TBC1D12: variants seen among roughly 807,000 people sequenced by gnomAD.
TBC1D12 encodes the protein TBC1 domain family, member 12.
Under a neutral mutation model 86.7 loss-of-function variants are expected in TBC1D12, and 56 were observed. The observed-to-expected ratio is 0.65, with a 90% CI of 0.52 to 0.81. TBC1D12 has a LOEUF of 0.81. TBC1D12 is among the 30% of genes least tolerant of loss of function. TBC1D12 has a pLI of 0.00. For synonymous variants in TBC1D12, 421 were observed against 411.7 expected (o/e 1.02, Z -0.27); for missense variants, 1,023 against 1,038.8 (o/e 0.98, Z 0.21).
intron 6 of TBC1D12, among the ~76,000 whole-genome samples, chr10:94,505,916 A>T (rs951292794): frequency 6.6e-6 from 1 of 152,196 alleles, no homozygotes; most frequent in African/African-American, 2.4e-5. Flanking sequence ...AAAGGATTAT[A>T]TATTTATGTA....
Position 94,515,159 on chromosome 10 carries a change from G to A in TBC1D12, c.1761+3505G>A, listed in dbSNP as rs373527698. ...CCTGACCTCGTGATCCGCCCGCCTC[G>A]GCCTCCCAAAGTGCTGGGATTACAG... On this transcript the variant is annotated intron_variant, in intron 9 of 12. Coordinates refer to ENST00000225235, the MANE Select transcript of TBC1D12 (RefSeq NM_015188.2). Among the ~76,000 whole-genome samples the A allele has an allele frequency of 6.2e-4, 94 of 150,930 alleles. 1 individual carries two copies. In the South Asian group the frequency reaches 0.019, roughly 31 times the overall value.
chr10:94,469,517 C>T (rs2055873037), intron 2 of TBC1D12, among the ~76,000 whole-genome samples: 1 of 138,352 alleles, frequency 7.2e-6, no homozygotes. Context: ...GGGGTGATCT[C>T]GGCTCACTGC....
intron 1 of TBC1D12, among the ~76,000 whole-genome samples, chr10:94,420,368 T>C (rs751459858): frequency 2.6e-5 from 4 of 152,206 alleles, no homozygotes; most frequent in Admixed American, 6.5e-5. Context: ...GTCGATGATA[T>C]TTTGTTATAG....
intron 1 of TBC1D12, among the ~76,000 whole-genome samples, chr10:94,418,931 G>A (rs1472474438): frequency 2.1e-5 from 3 of 143,904 alleles, no homozygotes; most frequent in Admixed American, 6.9e-5. Context: ...CTGGAGTGCA[G>A]TGGCGCGATC....
rs79131391 is a variant in TBC1D12, at chr10:94,431,803, A to G, written c.972-10093A>G. Among the ~76,000 whole-genome samples, 417 of 152,300 alleles carry G rather than the reference A, an allele frequency of 2.7e-3. 9 individuals are homozygous for G. In the East Asian group the frequency reaches 0.059, roughly 22 times the overall value. ...GCCTCCTAACAGGAGAGCAGAACAG[A>G]CTATCTTCAGCAGCAGTGTCTGCTG... On this transcript the variant is annotated intron_variant, in intron 1 of 12. Coordinates refer to ENST00000225235, the MANE Select transcript of TBC1D12 (RefSeq NM_015188.2).
chr10:94,438,468 G>A (rs2055335697), intron 1 of TBC1D12, among the ~76,000 whole-genome samples: 1 of 151,894 alleles, frequency 6.6e-6, no homozygotes, highest in East Asian at 1.9e-4. Flanking sequence ...TAGTGAAACT[G>A]ATGCATGTGC....
At chr10:94,404,340 G>T (rs1461641001) in intron 1 of TBC1D12, among the ~76,000 whole-genome samples, 1 of 152,066 alleles carries the variant, frequency 6.6e-6, no homozygotes, top group Non-Finnish European at 1.5e-5. Flanking sequence ...TGATTTGACA[G>T]GATATTCTTG....
intron 2 of TBC1D12, among the ~76,000 whole-genome samples, chr10:94,465,438 G>A (rs111360853): frequency 0.023 from 3,438 of 152,180 alleles, 129 homozygotes; most frequent in African/African-American, 0.076. Context: ...ACGAGGTCAA[G>A]AGACTGAGCT....
At chr10:94,419,325 A>G (rs745521137) in intron 1 of TBC1D12, among the ~76,000 whole-genome samples, 1 of 152,234 alleles carries the variant, frequency 6.6e-6, no homozygotes, top group Non-Finnish European at 1.5e-5. Flanking sequence ...TCCATACTAA[A>G]TAACATTTGT....
intron 1 of TBC1D12, among the ~76,000 whole-genome samples, chr10:94,437,194 T>C (rs899924689): frequency 2.9e-4 from 44 of 152,132 alleles, no homozygotes; most frequent in African/African-American, 1.1e-3. Context: ...GTTTTCAAAA[T>C]TGTCTTTGAG....
intron 1 of TBC1D12, among the ~76,000 whole-genome samples, chr10:94,432,732 T>C (rs183535155): frequency 4.5e-4 from 68 of 152,182 alleles, no homozygotes; most frequent in African/African-American, 1.6e-3. Flanking sequence ...ACTTATTGTA[T>C]TGTCAGGACT....
intron 2 of TBC1D12, among the ~76,000 whole-genome samples, chr10:94,458,562 G>C (rs1037293913): frequency 6.6e-6 from 1 of 152,112 alleles, no homozygotes; most frequent in Admixed American, 6.5e-5. Flanking sequence ...TCTTGGTCTC[G>C]CTGAGTTCAA....
rs1177457623 is a variant in TBC1D12 at position 94,511,216 on chromosome 10, G to A, written c.1690-367G>A. On this transcript the variant is annotated intron_variant, in intron 8 of 12. Coordinates refer to ENST00000225235, the MANE Select transcript of TBC1D12 (RefSeq NM_015188.2). ...GAGTTCAAGCGATTCTTGTGCCTCA[G>A]CCACCCGAGTAGCTGGAATTACAGG... is the stretch of plus-strand genomic sequence containing the variant. Among the ~76,000 whole-genome samples the A allele has an allele frequency of 4.0e-5, 6 of 148,858 alleles. No individual in the cohort carries two copies. In the South Asian group the frequency reaches 8.5e-4, roughly 21 times the overall value.
chr10:94,449,470 A>G (rs1012290194), intron 2 of TBC1D12, among the ~76,000 whole-genome samples: 4 of 152,186 alleles, frequency 2.6e-5, no homozygotes, highest in Admixed American at 2.6e-4. Flanking sequence ...AGACATCATA[A>G]TCAGCTAAAC....
chr10:94,447,800 T>C (rs892390848), intron 2 of TBC1D12: 5 of 374,712 alleles, frequency 1.3e-5, no homozygotes, highest in Admixed American at 1.3e-4. Context: ...ACATGGTTTG[T>C]CTTAGGAACT....
intron 5 of TBC1D12, among the ~76,000 whole-genome samples, chr10:94,497,825 T>C (rs1218660178): frequency 6.7e-6 from 1 of 148,992 alleles, no homozygotes; most frequent in African/African-American, 2.5e-5. Flanking sequence ...TGTTTTCTTT[T>C]TTTTTTTTTT....
At chr10:94,512,197 A>G (rs1480090661) in intron 9 of TBC1D12, among the ~76,000 whole-genome samples, 1 of 152,212 alleles carries the variant, frequency 6.6e-6, no homozygotes, top group Non-Finnish European at 1.5e-5. Context: ...TAGTTTTAAC[A>G]TTCTACACTT....
Position 94,536,211 on chromosome 10 carries a change from T to C in TBC1D12, c.*3115T>C, listed in dbSNP as rs964103673. Among the ~76,000 whole-genome samples the C allele has an allele frequency of 6.6e-6, 1 of 152,154 alleles. No individual in the cohort carries two copies. Among genetic ancestry groups the C allele is most frequent in the African/African-American group, 2.4e-5 (1 of 41,454 alleles). ...TATATTTTCAATTAAAAAAAAACTT[T>C]TCCTAAAATACTCAAAATAATGTGA... On this transcript the variant is annotated 3_prime_UTR_variant, in exon 13 of 13. Transcript: ENST00000225235.
At chr10:94,507,165 CAG>C in intron 6 of TBC1D12, 100 bp from the exon 7 acceptor site, 3 of 1,123,522 alleles carry the variant, frequency 2.7e-6, no homozygotes, top group East Asian at 2.6e-5. Context: ...CTTGCTACAT[CAG>C]AGAGACCTGA....
Sources: gnomAD v4.1 joint callset for allele counts (sites outside exome capture counted in the v4.1 genomes callset) on GRCh38, gnomAD v4.1.1 for gene constraint, MANE v1.5 for transcripts, NCBI Gene and HGNC (gene_info 2026-07-23, HGNC 2026-07-21) for gene names.